The following DST variants were observed in gnomAD, a reference collection of about 807,000 sequenced individuals.
The protein encoded by DST is dystonin, also known as bullous pemphigoid antigen.
In DST, 253 loss-of-function variants were observed where a neutral mutation model predicts 875.2. The observed-to-expected ratio is 0.29, with a 90% CI of 0.26 to 0.32. The LOEUF is 0.32. Among genes scored for constraint, DST ranks in the 10% least tolerant of loss-of-function variants. The probability of loss-of-function intolerance (pLI) is 1.00; values close to 1 mark genes in which losing one functional copy is unlikely to be tolerated. For missense variants in DST, 8,287 were observed against 9,111.6 expected (o/e 0.91, Z 3.68); for synonymous variants, 3,124 against 3,197.1 (o/e 0.98, Z 0.77).
At chr6:56,898,489 G>A (rs371527124) in intron 3 of DST, among the ~76,000 whole-genome samples, 1 of 152,106 alleles carries the variant, frequency 6.6e-6, no homozygotes, top group South Asian at 2.1e-4. Flanking sequence ...TCCACATGGG[G>A]AGATTAGAAG....
In DST at chr6:56,629,262, T is replaced by C; in HGVS notation, c.4463A>G (p.Gln1488Arg). ...AAAGGATACTAACCTGTTGTCAATC[T>C]GCACATGAACATTTTGCCACCTTTC... ...LVERWQNVHVQIDNRLRDLEG... is the reference protein window; with the variant it reads ...LVERWQNVHVRIDNRLRDLEG... Residue 1488 changes from glutamine (Q) to arginine (R), a missense_variant, in exon 32 of 104, where the codon CAG (glutamine) becomes CGG (arginine). Coordinates refer to ENST00000680361, the MANE Select transcript of DST (RefSeq NM_001374736.1). 6.2e-7 allele frequency: 1 copy of C among 1,613,750 alleles called. No individual in the cohort carries two copies. The highest frequency in any genetic ancestry group is 8.5e-7 in the Non-Finnish European group (1 of 1,179,738).
chr6:56,607,513 T>C lies in DST; in HGVS notation c.7115A>G (p.Gln2372Arg), dbSNP rs1482031211. 2 of 1,600,468 alleles carry C rather than the reference T, an allele frequency of 1.2e-6. No individual in the cohort carries two copies. The highest frequency in any genetic ancestry group is 2.7e-5 in the African/African-American group (2 of 74,690). ...SENILTNYEN[Q>R]SRVETNERAN... Reference sequence around the variant, plus strand: ...ACGTTCATTTGTTTCCACTCGGCTTTGATTTTCATAGTTTGTAAGTATGTT... The same window carrying C: ...ACGTTCATTTGTTTCCACTCGGCTTCGATTTTCATAGTTTGTAAGTATGTT... Residue 2372 changes from glutamine (Q) to arginine (R), a missense_variant, in exon 40 of 104, where the codon CAA becomes CGA. By Grantham distance (43) the Gln-to-Arg change is conservative (BLOSUM62 1). Coordinates refer to ENST00000680361, the MANE Select transcript of DST (RefSeq NM_001374736.1).
chr6:56,742,157 G>A (rs1357806119), intron 4 of DST: 9 of 602,234 alleles, frequency 1.5e-5, no homozygotes, highest in Admixed American at 4.7e-5. Context: ...ACAGGTTTTC[G>A]AAAGATGCCC....
chr6:56,484,400 A>G (rs900497266), intron 88 of DST: 2 of 152,088 alleles, frequency 1.3e-5, no homozygotes, highest in Non-Finnish European at 2.9e-5. Flanking sequence ...GTATAATGAT[A>G]GAATAGAAAG....
chr6:56,746,631 G>A (rs1200083877), intron 4 of DST, among the ~76,000 whole-genome samples: 1 of 152,174 alleles, frequency 6.6e-6, no homozygotes, highest in Non-Finnish European at 1.5e-5. Context: ...CAGTAGAAGA[G>A]AGTGGAAGCT....
intron 37 of DST, among the ~76,000 whole-genome samples, chr6:56,611,907 C>T (rs1482491506): frequency 6.6e-6 from 1 of 152,212 alleles, no homozygotes; most frequent in East Asian, 1.9e-4. Flanking sequence ...CAGGTGGGCA[C>T]TCAGCACTGG....
intron 49 of DST, among the ~76,000 whole-genome samples, chr6:56,580,572 AAAT>A: frequency 6.6e-6 from 1 of 151,170 alleles, no homozygotes; most frequent in East Asian, 1.9e-4. Flanking sequence ...ATAAATAAAT[AAAT>A]AAATAAAAAT....
intron 34 of DST, 97 bp downstream of exon 34, chr6:56,627,107 T>G (rs2098741719): frequency 1.0e-6 from 1 of 961,492 alleles, no homozygotes; most frequent in Admixed American, 1.7e-5. Context: ...GAAGATTCTT[T>G]TAAACACTGA....
intron 49 of DST, among the ~76,000 whole-genome samples, chr6:56,581,187 T>C (rs985343390): frequency 3.3e-5 from 5 of 149,920 alleles, no homozygotes; most frequent in African/African-American, 1.2e-4. Flanking sequence ...TGGAAGAGAG[T>C]TGGAACCCAA....
At chr6:56,918,031 A>G (rs1043020750) in intron 2 of DST, among the ~76,000 whole-genome samples, 1 of 152,164 alleles carries the variant, frequency 6.6e-6, no homozygotes, top group Non-Finnish European at 1.5e-5. Flanking sequence ...GACTTCTCCT[A>G]TAAAAATAAT....
chr6:56,487,071 A>C, intron 87 of DST, 33 bp downstream of exon 87: 1 of 1,609,408 alleles, frequency 6.2e-7, no homozygotes, highest in Non-Finnish European at 8.5e-7. Context: ...AGAGGTCTAC[A>C]GAGTAACCAA....
intron 72 of DST, among the ~76,000 whole-genome samples, chr6:56,514,611 A>ACC (rs1554276062): frequency 2.8e-5 from 4 of 143,466 alleles, no homozygotes; most frequent in Non-Finnish European, 6.0e-5. Flanking sequence ...ACACACACAC[A>ACC]CCCCCTCATG....
chr6:56,911,718 C>T lies in DST; in HGVS notation c.217-11097G>A, dbSNP rs577943073. Reference sequence around the variant, plus strand: ...AAGACACTAAACACAGTCTTGGATGCGGGTGGGGAAAAGACTAAACAAAGA... The same window carrying T: ...AAGACACTAAACACAGTCTTGGATGTGGGTGGGGAAAAGACTAAACAAAGA... On this transcript the variant is annotated intron_variant, in intron 2 of 103. Transcript: ENST00000680361. Among the ~76,000 whole-genome samples the T allele has an allele frequency of 1.9e-3, 289 of 152,174 alleles. 2 individuals are homozygous for T. The highest frequency in any genetic ancestry group is 2.7e-3 in the Non-Finnish European group (187 of 68,010).
At chr6:56,684,401 T>C (rs2099170582) in intron 9 of DST, among the ~76,000 whole-genome samples, 1 of 152,204 alleles carries the variant, frequency 6.6e-6, no homozygotes, top group South Asian at 2.1e-4. Flanking sequence ...TCTCTGAAGT[T>C]AAGAAAACAG....
intron 3 of DST, among the ~76,000 whole-genome samples, chr6:56,884,998 G>A (rs1337222822): frequency 6.8e-6 from 1 of 148,066 alleles, no homozygotes; most frequent in Admixed American, 6.6e-5. Context: ...CCAAAGTGCT[G>A]GGATTACAGG....
At chr6:56,491,509 C>T (rs1178028074) in intron 85 of DST, among the ~76,000 whole-genome samples, 2 of 152,150 alleles carry the variant, frequency 1.3e-5, no homozygotes, top group Middle Eastern at 3.2e-3. Flanking sequence ...ATAACTTTAC[C>T]TCTTTGTGTT....
chr6:56,954,651 C>A lies in DST; in HGVS notation c.-64G>T. 1 of 1,138,502 alleles carries A rather than the reference C, an allele frequency of 8.8e-7. No individual in the cohort carries two copies. Among genetic ancestry groups the A allele is most frequent in the South Asian group, 1.9e-5 (1 of 53,744 alleles). The allele number at this position is 1,138,502 out of a possible 1,614,324, so 70.5% of individuals were successfully genotyped here. On this transcript the variant is annotated 5_prime_UTR_variant, in exon 1 of 104. Coordinates refer to ENST00000680361, the MANE Select transcript of DST (RefSeq NM_001374736.1). Reference sequence around the variant, plus strand: ...GAGGGCGGCGGCACAGGCACCCGCGCTGGGCGCACGCCGGGACGGCGGGCA... The same window carrying A: ...GAGGGCGGCGGCACAGGCACCCGCGATGGGCGCACGCCGGGACGGCGGGCA...
chr6:56,893,562 C>CTTTTTTTTTTTTTTTTGTTT, intron 3 of DST, among the ~76,000 whole-genome samples: 1 of 35,906 alleles, frequency 2.8e-5, no homozygotes, highest in Non-Finnish European at 5.1e-5. Context: ...ACTTTTAGTT[C>CTTTTTTTTTTTTTTTTGTTT]TTTTTTTTTT....
intron 4 of DST, among the ~76,000 whole-genome samples, chr6:56,823,403 T>C (rs1219918223): frequency 6.6e-6 from 1 of 152,072 alleles, no homozygotes; most frequent in Non-Finnish European, 1.5e-5. Context: ...AATAAGGAAA[T>C]GTGTATAATT....
Sources: gnomAD v4.1 joint callset for allele counts (sites outside exome capture counted in the v4.1 genomes callset) on GRCh38, gnomAD v4.1.1 for gene constraint, MANE v1.5 for transcripts, NCBI Gene and HGNC (gene_info 2026-07-23, HGNC 2026-07-21) for gene names.